Variants in RMST observed in about 807,000 individuals in gnomAD.
RMST encodes long intergenic non-protein coding RNA 54.
chr12:97,535,278 T>C (rs1353941774), intron 11 of RMST, among the ~76,000 whole-genome samples: 1 of 151,642 alleles, frequency 6.6e-6, no homozygotes, highest in Non-Finnish European at 1.5e-5. Flanking sequence ...TGACCTAATA[T>C]AGCGTAGTGG....
chr12:97,510,858 C>CA (rs1565927380), intron 10 of RMST, among the ~76,000 whole-genome samples: 1 of 147,260 alleles, frequency 6.8e-6, no homozygotes, highest in African/African-American at 2.5e-5. Flanking sequence ...TTTCCAGTCA[C>CA]TTTTTTTTTT....
intron 4 of RMST, among the ~76,000 whole-genome samples, chr12:97,464,223 A>G (rs1343246344): frequency 6.6e-6 from 1 of 152,200 alleles, no homozygotes; most frequent in Non-Finnish European, 1.5e-5. Flanking sequence ...GTGCCCCACA[A>G]AAGGGAGTCT....
intron 11 of RMST, among the ~76,000 whole-genome samples, chr12:97,554,020 T>C (rs1285623995): frequency 1.3e-5 from 2 of 150,232 alleles, no homozygotes; most frequent in Non-Finnish European, 3.0e-5. Context: ...AGTGGCATGA[T>C]CTTAGTTCAC....
At chr12:97,491,083 A>G (rs1876743888) in intron 5 of RMST, among the ~76,000 whole-genome samples, 1 of 152,218 alleles carries the variant, frequency 6.6e-6, no homozygotes, top group South Asian at 2.1e-4. Context: ...AGATTCCCAC[A>G]CAGTTAAACC....
intron 10 of RMST, among the ~76,000 whole-genome samples, chr12:97,516,871 A>G (rs973717371): frequency 6.6e-6 from 1 of 152,040 alleles, no homozygotes; most frequent in African/African-American, 2.4e-5. Flanking sequence ...TACTTCCTGC[A>G]TATTGCAAGC....
intron 13 of RMST, chr12:97,563,743 G>A (rs898791670): frequency 1.1e-5 from 5 of 466,808 alleles, no homozygotes; most frequent in Admixed American, 4.7e-5. Flanking sequence ...TTAATGTAGC[G>A]TGAAATGATT....
At chr12:97,562,109 C>T (rs546601215) in intron 13 of RMST, among the ~76,000 whole-genome samples, 37 of 152,208 alleles carry the variant, frequency 2.4e-4, no homozygotes, top group African/African-American at 7.7e-4. Context: ...GATTGCCATG[C>T]CAACCTTCAG....
chr12:97,487,453 G>T (rs1025549590), intron 5 of RMST, among the ~76,000 whole-genome samples: 3 of 152,024 alleles, frequency 2.0e-5, no homozygotes, highest in African/African-American at 7.2e-5. Context: ...ACCTAAACAT[G>T]CAACAATAAG....
At chr12:97,483,198 C>T (rs192068749) in intron 5 of RMST, among the ~76,000 whole-genome samples, 51 of 152,240 alleles carry the variant, frequency 3.3e-4, no homozygotes, top group South Asian at 1.7e-3. Context: ...TAAAGAACCA[C>T]GCTGTTGATG....
chr12:97,558,058 C>T (rs1479948098), intron 11 of RMST, among the ~76,000 whole-genome samples: 5 of 152,092 alleles, frequency 3.3e-5, no homozygotes, highest in Non-Finnish European at 7.4e-5. Context: ...TCCTCCTCTA[C>T]CTTTTCCTTC....
chr12:97,532,717 T>C (rs2136595228), intron 11 of RMST: 1 of 147,714 alleles, frequency 6.8e-6, no homozygotes, highest in South Asian at 2.2e-4. Flanking sequence ...CTTGTCAGAG[T>C]TTCAAAGGAA....
intron 5 of RMST, among the ~76,000 whole-genome samples, chr12:97,474,814 T>G (rs1400667988): frequency 1.3e-5 from 2 of 152,116 alleles, no homozygotes; most frequent in African/African-American, 4.8e-5. Flanking sequence ...GTCCAATGTC[T>G]TCTTCAAATT....
chr12:97,469,010 A>G (rs1448647120), intron 5 of RMST, among the ~76,000 whole-genome samples: 1 of 151,908 alleles, frequency 6.6e-6, no homozygotes, highest in African/African-American at 2.4e-5. Flanking sequence ...TGAATCACAC[A>G]TCGCAATCCA....
chr12:97,510,466 C>G (rs923063071), intron 10 of RMST, among the ~76,000 whole-genome samples: 1 of 152,122 alleles, frequency 6.6e-6, no homozygotes, highest in Non-Finnish European at 1.5e-5. Context: ...TGAAGATGGA[C>G]CATTACGTGC....
rs533761439 is a variant in RMST at position 97,563,328 on chromosome 12, C to T, written n.1959-822C>T. On this transcript the variant is annotated intron_variant and non_coding_transcript_variant, in intron 13 of 13. Transcript: ENST00000640149. ...TTATTTAGGTGTAGAGAAAGCTTAA[C>T]GCTTACATAGTCAAACAGGTACTAA... 7 of 177,284 alleles carry T rather than the reference C, an allele frequency of 3.9e-5. No individual in the cohort carries two copies. The South Asian group carries it at 8.1e-4, about 21-fold the overall frequency. 11.0% of individuals were successfully genotyped at this position (177,284 alleles called of 1,614,324 possible).
At chr12:97,473,993 T>C (rs1252014598) in intron 5 of RMST, among the ~76,000 whole-genome samples, 5 of 152,132 alleles carry the variant, frequency 3.3e-5, no homozygotes, top group Non-Finnish European at 7.4e-5. Context: ...TGACTATTTC[T>C]GGCTTCTCTG....
intron 5 of RMST, chr12:97,491,681 A>C (rs1008041715): frequency 2.1e-5 from 5 of 242,400 alleles, no homozygotes; most frequent in Admixed American, 7.9e-5. Flanking sequence ...TTGAGTTATC[A>C]AGTATTTCGA....
At chr12:97,534,151 G>A (rs1184685420) in intron 11 of RMST, among the ~76,000 whole-genome samples, 3 of 151,704 alleles carry the variant, frequency 2.0e-5, no homozygotes, top group South Asian at 2.1e-4. Context: ...AAACAAATAC[G>A]TTGTTCTGTA....
chr12:97,509,230 C>T (rs1427710640), intron 10 of RMST, among the ~76,000 whole-genome samples: 7 of 152,168 alleles, frequency 4.6e-5, no homozygotes, highest in Non-Finnish European at 1.0e-4. Flanking sequence ...ATAAAGATTT[C>T]ACCATAGGCA....
Sources: gnomAD v4.1 joint callset for allele counts (sites outside exome capture counted in the v4.1 genomes callset) on GRCh38, gnomAD v4.1.1 for gene constraint, MANE v1.5 for transcripts, NCBI Gene and HGNC (gene_info 2026-07-23, HGNC 2026-07-21) for gene names.